Variants in RAD54L2 observed in about 807,000 individuals in gnomAD.
The protein encoded by RAD54L2 is RAD54 like 2, also known as helicase ARIP4.
A neutral mutation model predicts 138.4 loss-of-function variants in RAD54L2; 27 were observed. The observed-to-expected ratio is 0.20, with a 90% confidence interval of 0.14 to 0.27. RAD54L2 has a LOEUF of 0.27. Among genes scored for constraint, RAD54L2 ranks in the 10% least tolerant of loss-of-function variants. The probability of loss-of-function intolerance (pLI) is 1.00; values close to 1 mark genes in which losing one functional copy is unlikely to be tolerated. For synonymous variants in RAD54L2, 644 were observed against 723.2 expected (o/e 0.89, Z 1.76); for missense variants, 1,396 against 1,890.2 (o/e 0.74, Z 4.85).
Position 51,656,188 on chromosome 3 carries a change from C to T in RAD54L2, c.3226+18C>T, listed in dbSNP as rs769432131. 2 of 1,575,464 alleles carry T rather than the reference C, an allele frequency of 1.3e-6. No homozygotes were observed. The highest frequency in any genetic ancestry group is 1.1e-5 in the South Asian group (1 of 87,614). On this transcript the variant is annotated intron_variant, in intron 20 of 22. Transcript: ENST00000684192. ...CACGACAGGTGGGAACTCCTGGGCT[C>T]TGTGGCAGAGCTGCTGTCCCTTTTA...
rs1048628689 is a variant in RAD54L2 at position 51,664,792 on chromosome 3, G to A, written c.*1372G>A. 2.0e-5 allele frequency: 3 copies of A among 152,160 alleles called. No individual in the cohort carries two copies. Among genetic ancestry groups the A allele is most frequent in the African/African-American group, 4.8e-5 (2 of 41,436 alleles). The allele number at this position is 152,160 out of a possible 1,614,324, so 9.4% of individuals were successfully genotyped here. On this transcript the variant is annotated 3_prime_UTR_variant, in exon 23 of 23. Transcript: ENST00000684192. ...GGGTGGGACTCATTCCACAGAAATCGAAAGTTGTGATCATGGAGTTTGCAA... is the reference window on the plus strand; with the variant it reads ...GGGTGGGACTCATTCCACAGAAATCAAAAGTTGTGATCATGGAGTTTGCAA...
rs1207552412 is a variant in RAD54L2, at chr3:51,645,317, G to C, written c.2656+88G>C. On this transcript the variant is annotated intron_variant, in intron 17 of 22. Transcript: ENST00000684192. The surrounding 1 kb of genome is among the most constrained non-coding windows in gnomAD (Gnocchi z 6.1). The stretch of plus-strand genomic sequence containing the variant: ...AGGGTGGGAGAGGAGCAGGATATGG[G>C]AACACAGGCAGGCTTCGAGAAAGCC... 1 of 1,339,270 alleles carries C rather than the reference G, an allele frequency of 7.5e-7. No individual in the cohort carries two copies. The highest frequency in any genetic ancestry group is 1.5e-5 in the African/African-American group (1 of 68,396). The allele number at this position is 1,339,270 out of a possible 1,614,324, so 83.0% of individuals were successfully genotyped here. A position where few individuals can be genotyped will look rare whatever the true frequency, so the allele number is the denominator to read the frequency against.
intron 3 of RAD54L2, among the ~76,000 whole-genome samples, chr3:51,605,915 G>A (rs540439032): frequency 1.3e-5 from 2 of 152,344 alleles, no homozygotes; most frequent in Admixed American, 6.5e-5. Flanking sequence ...AAGGAACCTA[G>A]AGAAGGCTTT....
intron 3 of RAD54L2, among the ~76,000 whole-genome samples, chr3:51,610,750 G>C (rs1002292236): frequency 6.6e-6 from 1 of 152,056 alleles, no homozygotes; most frequent in Non-Finnish European, 1.5e-5. Flanking sequence ...CAGGCTCTCT[G>C]GAGATGCTAG....
intron 3 of RAD54L2, among the ~76,000 whole-genome samples, chr3:51,615,943 T>G (rs1284485562): frequency 6.6e-6 from 1 of 152,190 alleles, no homozygotes; most frequent in Non-Finnish European, 1.5e-5. Context: ...CTACTACTTT[T>G]CTGGGGTTTA....
intron 2 of RAD54L2, among the ~76,000 whole-genome samples, chr3:51,575,628 T>C (rs1699462326): frequency 6.6e-6 from 1 of 152,136 alleles, no homozygotes; most frequent in Non-Finnish European, 1.5e-5. Context: ...TGGGAGTTCA[T>C]TCATGATTTG....
At chr3:51,584,417 T>G (rs9870147) in intron 2 of RAD54L2, among the ~76,000 whole-genome samples, 5,806 of 152,212 alleles carry the variant, frequency 0.038, 389 homozygotes, top group African/African-American at 0.13. Context: ...TTTGTGTGTA[T>G]CTAAATTTTC....
rs1700510195 is a variant in RAD54L2 at position 51,619,059 on chromosome 3, T to C, written c.140-8494T>C. ...TCTGTGAGGCACTATCTTTTTTGTT[T>C]GTTTGTTTGTTTGTTTGAGACAGAG... On this transcript the variant is annotated intron_variant, in intron 3 of 22. Coordinates refer to ENST00000684192, the MANE Select transcript of RAD54L2 (RefSeq NM_015106.4). 3.9e-5 allele frequency among the ~76,000 whole-genome samples: 6 copies of C among 151,970 alleles called. No homozygotes were observed. In the South Asian group the frequency reaches 1.2e-3, roughly 32 times the overall value.
At chr3:51,573,307 G>A (rs1327820203) in intron 2 of RAD54L2, among the ~76,000 whole-genome samples, 9 of 152,152 alleles carry the variant, frequency 5.9e-5, no homozygotes, top group African/African-American at 2.2e-4. Context: ...AAGAAGGAAA[G>A]AGACTCACCC....
chr3:51,641,057 C>CT lies in RAD54L2; in HGVS notation c.2232-692_2232-691insT, dbSNP rs944566142. Among the ~76,000 whole-genome samples the CT allele has an allele frequency of 6.6e-5, 10 of 152,132 alleles. No individual in the cohort carries two copies. In the South Asian group the frequency reaches 1.7e-3, roughly 25 times the overall value. ...CACTCTTCCTGCCCAGGCTGGAGTG[C>CT]AGTGGTGTGATCTTGGCTCACTGCA... On this transcript the variant is annotated intron_variant, in intron 14 of 22. Transcript: ENST00000684192.
chr3:51,603,055 A>T (rs2106739150), intron 3 of RAD54L2, among the ~76,000 whole-genome samples: 1 of 150,146 alleles, frequency 6.7e-6, no homozygotes, highest in South Asian at 2.1e-4. Flanking sequence ...TAATCCGACC[A>T]CTTTGGGACA....
chr3:51,662,966 C>A lies in RAD54L2; in HGVS notation c.3950C>A (p.Ser1317Tyr). The A allele has an allele frequency of 6.2e-7, 1 of 1,614,014 alleles. No individual in the cohort carries two copies. Among genetic ancestry groups the A allele is most frequent in the Non-Finnish European group, 8.5e-7 (1 of 1,179,888 alleles). Residue 1317 changes from serine (S) to tyrosine (Y), a missense_variant, in exon 23 of 23, where the codon TCC (serine) becomes TAC (tyrosine). By Grantham distance (144) the Ser-to-Tyr change is moderately radical. This residue lies in a region of RAD54L2 where 634 missense variants were observed against 711.2 expected (regional missense o/e 0.89). Transcript: ENST00000684192. The surrounding 1 kb of genome is among the most constrained non-coding windows in gnomAD (Gnocchi z 4.6). ...TPFTSQAGEN[S>Y]LFMGSTPSYY... The stretch of plus-strand genomic sequence containing the variant: ...TTCACCTCCCAGGCTGGGGAGAACT[C>A]CCTGTTTATGGGCAGTACCCCCTCC...
chr3:51,570,645 C>T (rs1369042959), intron 2 of RAD54L2, among the ~76,000 whole-genome samples: 9 of 148,290 alleles, frequency 6.1e-5, no homozygotes, highest in East Asian at 2.0e-4. Context: ...TTAATAGAGA[C>T]GGGATTTCAC....
At chr3:51,561,435 G>A (rs1463767397) in intron 2 of RAD54L2, among the ~76,000 whole-genome samples, 3 of 152,066 alleles carry the variant, frequency 2.0e-5, no homozygotes, top group Admixed American at 6.6e-5. Context: ...TAGTAGAGAC[G>A]GGTTTCACCA....
rs527316371 is a variant in RAD54L2 at position 51,587,867 on chromosome 3, G to A, written c.-54-2500G>A. On this transcript the variant is annotated intron_variant, in intron 2 of 22. Coordinates refer to ENST00000684192, the MANE Select transcript of RAD54L2 (RefSeq NM_015106.4). ...TTTATTTTGGGAGATAGGAATTTGA[G>A]GATGATCTGATTGTTGATGTATTTA... 7.9e-5 allele frequency among the ~76,000 whole-genome samples: 12 copies of A among 152,150 alleles called. No homozygotes were observed. In the East Asian group the frequency reaches 2.3e-3, roughly 29 times the overall value.
intron 7 of RAD54L2, among the ~76,000 whole-genome samples, chr3:51,631,825 G>A (rs988464277): frequency 1.3e-5 from 2 of 152,002 alleles, no homozygotes; most frequent in African/African-American, 4.8e-5. Flanking sequence ...GTAGAGACGA[G>A]GTCTCACTAT....
rs1489662121 is a variant in RAD54L2 at position 51,667,625 on chromosome 3, T to C, written c.*4205T>C. On this transcript the variant is annotated 3_prime_UTR_variant, in exon 23 of 23. Coordinates refer to ENST00000684192, the MANE Select transcript of RAD54L2 (RefSeq NM_015106.4). Reference sequence around the variant, plus strand: ...GCCCTCTGCTGACTACTCCCAGGAATCAGCACCTCAAGGACTATTTGAGAA... The same window carrying C: ...GCCCTCTGCTGACTACTCCCAGGAACCAGCACCTCAAGGACTATTTGAGAA... 6.6e-6 allele frequency: 1 copy of C among 152,254 alleles called. No homozygotes were observed. Among genetic ancestry groups the C allele is most frequent in the Admixed American group, 6.5e-5 (1 of 15,284 alleles). 9.4% of individuals were successfully genotyped at this position (152,254 alleles called of 1,614,324 possible).
chr3:51,651,718 A>G (rs1306255678), intron 19 of RAD54L2, among the ~76,000 whole-genome samples: 1 of 152,184 alleles, frequency 6.6e-6, no homozygotes, highest in Non-Finnish European at 1.5e-5. Flanking sequence ...CAGAAAAGGC[A>G]TTCGACAAAA....
Position 51,627,622 on chromosome 3 carries a change from G to A in RAD54L2, c.209G>A (p.Arg70Gln), listed in dbSNP as rs367734069. 1.6e-5 allele frequency: 25 copies of A among 1,577,890 alleles called. No individual in the cohort carries two copies. The African/African-American group carries it at 1.8e-4, about 11-fold the overall frequency. The change falls in exon 4 of 23, where the codon CGG becomes CAG. Residue 70 changes from arginine to glutamine, a missense_variant. Coordinates refer to ENST00000684192, the MANE Select transcript of RAD54L2 (RefSeq NM_015106.4). ...QLGEDGQQPP[R>Q]CTSTTSSQSE... is the part of the protein sequence containing the mutation. ...GGAGAAGATGGGCAGCAGCCGCCGCGGTGCACTTCAACTACCTCATCTCAG... is the reference window on the plus strand; with the variant it reads ...GGAGAAGATGGGCAGCAGCCGCCGCAGTGCACTTCAACTACCTCATCTCAG...
Sources: allele counts gnomAD v4.1 joint callset (sites outside exome capture counted in the v4.1 genomes callset), GRCh38; gene constraint gnomAD v4.1.1; regional missense constraint gnomAD v4.1.1; non-coding constraint Gnocchi (gnomAD v3.1); transcripts MANE v1.5; gene names NCBI Gene and HGNC (gene_info 2026-07-23, HGNC 2026-07-21).